RASSF5: variants seen among roughly 807,000 people sequenced by gnomAD.
The protein encoded by RASSF5 is ras association domain-containing protein 5.
In RASSF5, 25 loss-of-function variants were observed where a neutral mutation model predicts 40.5. That is an observed-to-expected ratio of 0.62 (90% CI 0.45 to 0.86). RASSF5 has a LOEUF of 0.86. Among genes scored for constraint, RASSF5 ranks in the 40% least tolerant of loss-of-function variants. The probability of loss-of-function intolerance (pLI) is 0.00; values close to 1 mark genes in which losing one functional copy is unlikely to be tolerated. For missense variants in RASSF5, 521 were observed against 572.8 expected (o/e 0.91, Z 0.92); for synonymous variants, 246 against 252.4 (o/e 0.97, Z 0.24).
intron 2 of RASSF5, chr1:206,571,638 G>GA (rs1203107526): frequency 6.6e-6 from 1 of 152,230 alleles, no homozygotes; most frequent in African/African-American, 2.4e-5. Flanking sequence ...GATGTTGTTG[G>GA]AAAATCCACT....
chr1:206,527,786 T>C (rs1316920245), intron 1 of RASSF5, among the ~76,000 whole-genome samples: 1 of 151,968 alleles, frequency 6.6e-6, no homozygotes, highest in Non-Finnish European at 1.5e-5. Flanking sequence ...CTGACTCCCA[T>C]CCCCAGTGAA....
In RASSF5 at chr1:206,587,217, A is replaced by C. The variant is rs967957600; in HGVS notation, c.*239A>C. 1 of 489,464 alleles carries C rather than the reference A, an allele frequency of 2.0e-6. No homozygotes were observed. Among genetic ancestry groups the C allele is most frequent in the South Asian group, 2.0e-5 (1 of 49,176 alleles). The allele number at this position is 489,464 out of a possible 1,614,324, so 30.3% of individuals were successfully genotyped here. A position where few individuals can be genotyped will look rare whatever the true frequency, so the allele number is the denominator to read the frequency against. ...CCAAGGATCAGAACTCATGTGAAACAAACAGCTGACGTCCTCTCTCGATCT... is the reference window on the plus strand; with the variant it reads ...CCAAGGATCAGAACTCATGTGAAACCAACAGCTGACGTCCTCTCTCGATCT... On this transcript the variant is annotated 3_prime_UTR_variant, in exon 6 of 6. Transcript: ENST00000579436.
intron 2 of RASSF5, chr1:206,544,497 A>G (rs1667624781): frequency 6.6e-6 from 1 of 152,252 alleles, no homozygotes; most frequent in Non-Finnish European, 1.5e-5. Flanking sequence ...TCCTGGATAT[A>G]AAACCAGGAC....
At chr1:206,586,736 G>T in intron 5 of RASSF5, 90 bp from the exon 6 acceptor site, 1 of 973,086 alleles carries the variant, frequency 1.0e-6, no homozygotes, top group South Asian at 1.5e-5. Flanking sequence ...GAACTGGGAA[G>T]GGGAAGGCAG....
rs530274477 is a variant in RASSF5 at position 206,577,672 on chromosome 1, C to T, written c.580-5597C>T. On this transcript the variant is annotated intron_variant, in intron 2 of 5. Coordinates refer to ENST00000579436, the MANE Select transcript of RASSF5 (RefSeq NM_182663.4). ...GGGACACCATAGAGGACAAGACAGG[C>T]GTGGGTGCTTCTCTCACAGAACTCA... Among the ~76,000 whole-genome samples the T allele has an allele frequency of 9.2e-5, 14 of 152,296 alleles. No individual in the cohort carries two copies. In the South Asian group the frequency reaches 1.0e-3, roughly 11 times the overall value.
At chr1:206,509,639 A>T (rs571036846) in intron 1 of RASSF5, among the ~76,000 whole-genome samples, 167 of 152,232 alleles carry the variant, frequency 1.1e-3, no homozygotes, top group African/African-American at 3.8e-3. Context: ...ATCCCAGGAA[A>T]TCTGCTTCGT....
chr1:206,575,016 T>A (rs1668586611), intron 2 of RASSF5, among the ~76,000 whole-genome samples: 1 of 119,516 alleles, frequency 8.4e-6, no homozygotes, highest in Non-Finnish European at 1.9e-5. Context: ...CACGGATAAT[T>A]TTTTTGTTTT....
Position 206,553,425 on chromosome 1 carries a change from G to T in RASSF5, c.579+15132G>T, listed in dbSNP as rs537278062. Among the ~76,000 whole-genome samples, 64 of 152,248 alleles carry T rather than the reference G, an allele frequency of 4.2e-4. 1 individual carries two copies. The highest frequency in any genetic ancestry group is 6.8e-3 in the Middle Eastern group (2 of 294). On this transcript the variant is annotated intron_variant, in intron 2 of 5. Transcript: ENST00000579436. ...AGAGATAGAAACATGGGGAACTCTT[G>T]GAAGGCTTTGCACTAATCTCAGTTA...
At chr1:206,557,532 C>G (rs782276943) in intron 2 of RASSF5, 10 of 1,611,518 alleles carry the variant, frequency 6.2e-6, no homozygotes, top group South Asian at 1.1e-5. Flanking sequence ...AAGCCCGGCC[C>G]CCTTGATGCG....
At position 206,531,477 on chromosome 1, in the gene RASSF5, A is replaced by G. The variant is rs6667587; in HGVS notation, c.458-6695A>G. On this transcript the variant is annotated intron_variant, in intron 1 of 5. Coordinates refer to ENST00000579436, the MANE Select transcript of RASSF5 (RefSeq NM_182663.4). The surrounding 1 kb of genome is among the most constrained non-coding windows in gnomAD (Gnocchi z 4.7). Reference sequence around the variant, plus strand: ...CTAGCTGGGGGAGCTGGCAGGGTAGAGGCTGCAGGGTGAGGGTGCAGGGGG... The same window carrying G: ...CTAGCTGGGGGAGCTGGCAGGGTAGGGGCTGCAGGGTGAGGGTGCAGGGGG... Among the ~76,000 whole-genome samples, 5,118 of 152,176 alleles carry G rather than the reference A, an allele frequency of 0.034. 326 individuals are homozygous for G. The highest frequency in any genetic ancestry group is 0.12 in the African/African-American group (4,905 of 41,478).
chr1:206,557,770 G>T, intron 2 of RASSF5: 2 of 1,519,688 alleles, frequency 1.3e-6, no homozygotes, highest in South Asian at 2.3e-5. Context: ...GGGAAACCTT[G>T]CTCCCAGCAA....
At position 206,507,701 on chromosome 1, in the gene RASSF5, ACCG is replaced by A. The variant is rs1553393970; in HGVS notation, c.108_110del (p.Pro38del). On this transcript the variant is annotated inframe_deletion, in exon 1 of 6. Coordinates refer to ENST00000579436, the MANE Select transcript of RASSF5 (RefSeq NM_182663.4). ...TACAGAGCCTGAGCGGCCCCGAGCT[ACCG>A]CCGCCGCCCCCCGACCGGTCCTCGC... 1.3e-6 allele frequency: 2 copies of A among 1,490,748 alleles called. No homozygotes were observed. The highest frequency in any genetic ancestry group is 1.3e-5 in the South Asian group (1 of 79,012). 92.3% of individuals were successfully genotyped at this position (1,490,748 alleles called of 1,614,324 possible). A position where few individuals can be genotyped will look rare whatever the true frequency, so the allele number is the denominator to read the frequency against.
At chr1:206,534,336 T>A (rs554792460) in intron 1 of RASSF5, among the ~76,000 whole-genome samples, 1 of 152,190 alleles carries the variant, frequency 6.6e-6, no homozygotes, top group Admixed American at 6.5e-5. Context: ...AGGGATAGGG[T>A]CTGTCATTGG....
intron 1 of RASSF5, chr1:206,518,568 G>A (rs1355146694): frequency 5.0e-6 from 2 of 398,658 alleles, no homozygotes; most frequent in Non-Finnish European, 8.8e-6. Context: ...AATCTGACTG[G>A]GGGAGCTTGG....
intron 1 of RASSF5, among the ~76,000 whole-genome samples, chr1:206,511,453 C>G (rs1666609357): frequency 6.6e-6 from 1 of 152,170 alleles, no homozygotes; most frequent in Non-Finnish European, 1.5e-5. Flanking sequence ...CATCCTGGAC[C>G]AGGGGATGGT....
At chr1:206,554,615 C>A (rs183506937) in intron 2 of RASSF5, among the ~76,000 whole-genome samples, 1 of 152,142 alleles carries the variant, frequency 6.6e-6, no homozygotes, top group Non-Finnish European at 1.5e-5. Flanking sequence ...CATCTCAGGG[C>A]CTTAAAGGCT....
chr1:206,539,020 T>G (rs1428695842), intron 2 of RASSF5, among the ~76,000 whole-genome samples: 1 of 152,218 alleles, frequency 6.6e-6, no homozygotes, highest in Non-Finnish European at 1.5e-5. Context: ...GCAATAAAAG[T>G]ATGAACCAAG....
intron 2 of RASSF5, among the ~76,000 whole-genome samples, chr1:206,545,711 C>T (rs1667666316): frequency 6.6e-6 from 1 of 152,190 alleles, no homozygotes; most frequent in African/African-American, 2.4e-5. Context: ...TTAACATTCT[C>T]TACTATGAAA....
chr1:206,586,739 G>GAAGCAA, intron 5 of RASSF5, 87 bp from the exon 6 acceptor site: 1 of 1,002,874 alleles, frequency 1.0e-6, no homozygotes, highest in East Asian at 2.4e-5. Flanking sequence ...CTGGGAAGGG[G>GAAGCAA]AAGGCAGCAG....
Sources: gnomAD v4.1 joint callset for allele counts (sites outside exome capture counted in the v4.1 genomes callset) on GRCh38, gnomAD v4.1.1 for gene constraint, Gnocchi (gnomAD v3.1) non-coding constraint, MANE v1.5 for transcripts, NCBI Gene and HGNC (gene_info 2026-07-23, HGNC 2026-07-21) for gene names.